CCSER1: variants seen among roughly 807,000 people sequenced by gnomAD.
The protein encoded by CCSER1 is coiled-coil serine rich protein 1, also known as serine-rich coiled-coil domain-containing protein 1.
CCSER1 carries 41 observed loss-of-function variants against 82.0 expected under a neutral mutation model. That is an observed-to-expected ratio of 0.50 (90% CI 0.39 to 0.65). CCSER1 has a LOEUF of 0.65. CCSER1 is among the 30% of genes least tolerant of loss of function. CCSER1 has a pLI of 0.00. For synonymous variants in CCSER1, 414 were observed against 383.9 expected (o/e 1.08, Z -0.92); for missense variants, 1,119 against 1,064.2 (o/e 1.05, Z -0.72).
chr4:90,651,653 G>C (rs949523577), intron 6 of CCSER1, among the ~76,000 whole-genome samples: 1 of 151,268 alleles, frequency 6.6e-6, no homozygotes. Flanking sequence ...AAAACTGCAC[G>C]TTCTCTGCAT....
At chr4:91,007,320 A>C (rs1738602904) in intron 9 of CCSER1, among the ~76,000 whole-genome samples, 1 of 152,222 alleles carries the variant, frequency 6.6e-6, no homozygotes, top group Non-Finnish European at 1.5e-5. Context: ...ATTCAGGAAG[A>C]ATTTCATCCC....
At chr4:91,430,191 G>A (rs557405891) in intron 10 of CCSER1, among the ~76,000 whole-genome samples, 1 of 152,074 alleles carries the variant, frequency 6.6e-6, no homozygotes, top group African/African-American at 2.4e-5. Flanking sequence ...TATACAATAA[G>A]CATTCAAAAG....
At chr4:91,269,686 T>G (rs1741875771) in intron 10 of CCSER1, among the ~76,000 whole-genome samples, 1 of 152,220 alleles carries the variant, frequency 6.6e-6, no homozygotes, top group African/African-American at 2.4e-5. Flanking sequence ...AGTTGAGCAT[T>G]CTTCTGTAAA....
At chr4:90,250,493 C>G (rs1445965269) in intron 1 of CCSER1, among the ~76,000 whole-genome samples, 3 of 151,890 alleles carry the variant, frequency 2.0e-5, no homozygotes, top group African/African-American at 7.2e-5. Context: ...ATTGATTTTC[C>G]CTCTCACCCT....
intron 4 of CCSER1, among the ~76,000 whole-genome samples, chr4:90,443,370 T>G (rs1760177833): frequency 6.6e-6 from 1 of 152,102 alleles, no homozygotes; most frequent in Non-Finnish European, 1.5e-5. Context: ...CACAGTCAGT[T>G]AGGTAACTAA....
chr4:90,649,016 C>G (rs1728233921), intron 6 of CCSER1, among the ~76,000 whole-genome samples: 1 of 152,208 alleles, frequency 6.6e-6, no homozygotes, highest in Admixed American at 6.5e-5. Flanking sequence ...TAAGGCTTGA[C>G]AGCTTTGCAC....
chr4:91,176,038 A>G (rs185851734), intron 10 of CCSER1, among the ~76,000 whole-genome samples: 1 of 152,240 alleles, frequency 6.6e-6, no homozygotes, highest in Non-Finnish European at 1.5e-5. Context: ...AGCTTTCTAC[A>G]TATGGCTAGC....
At chr4:90,201,733 T>C (rs1172819562) in intron 1 of CCSER1, among the ~76,000 whole-genome samples, 6 of 152,084 alleles carry the variant, frequency 3.9e-5, no homozygotes, top group Admixed American at 3.3e-4. Context: ...GAATTACAGA[T>C]GTTCAGAGAA....
At chr4:91,484,102 A>G (rs1027875842) in intron 10 of CCSER1, among the ~76,000 whole-genome samples, 3 of 151,016 alleles carry the variant, frequency 2.0e-5, no homozygotes, top group Non-Finnish European at 4.4e-5. Flanking sequence ...AGTATACATG[A>G]TTCAGTTCTC....
At chr4:91,414,798 A>G (rs958873245) in intron 10 of CCSER1, among the ~76,000 whole-genome samples, 2 of 152,164 alleles carry the variant, frequency 1.3e-5, no homozygotes, top group Admixed American at 6.6e-5. Flanking sequence ...ACAATTAAAA[A>G]TATCACATGA....
chr4:90,165,579 A>C (rs2153370077), intron 1 of CCSER1, among the ~76,000 whole-genome samples: 1 of 152,184 alleles, frequency 6.6e-6, no homozygotes, highest in Admixed American at 6.6e-5. Flanking sequence ...ATACAACAAT[A>C]AATAAGAACT....
At chr4:90,379,157 A>G (rs1412972753) in intron 3 of CCSER1, among the ~76,000 whole-genome samples, 2 of 152,156 alleles carry the variant, frequency 1.3e-5, no homozygotes, top group East Asian at 3.9e-4. Flanking sequence ...GCTCACACAA[A>G]GTTTCAGTTG....
At chr4:91,349,898 T>G in intron 10 of CCSER1, among the ~76,000 whole-genome samples, 1 of 152,068 alleles carries the variant, frequency 6.6e-6, no homozygotes, top group East Asian at 1.9e-4. Context: ...TTTCTGCTTC[T>G]AGGCTTCTGC....
At chr4:91,185,417 TA>T (rs1240086494) in intron 10 of CCSER1, among the ~76,000 whole-genome samples, 1 of 152,220 alleles carries the variant, frequency 6.6e-6, no homozygotes, top group Non-Finnish European at 1.5e-5. Context: ...AAAGTAATCC[TA>T]TTGTCCCTGC....
intron 7 of CCSER1, among the ~76,000 whole-genome samples, chr4:90,748,328 T>C (rs940485504): frequency 6.6e-6 from 1 of 151,318 alleles, no homozygotes; most frequent in Non-Finnish European, 1.5e-5. Context: ...AGAATGATGA[T>C]TTCCAGTTTC....
chr4:91,566,193 T>C (rs991022070), intron 10 of CCSER1, among the ~76,000 whole-genome samples: 1 of 152,212 alleles, frequency 6.6e-6, no homozygotes, highest in Non-Finnish European at 1.5e-5. Context: ...GAATCACATT[T>C]ATTGATTTGC....
chr4:90,425,215 T>G (rs1314807085), intron 4 of CCSER1, among the ~76,000 whole-genome samples: 1 of 152,210 alleles, frequency 6.6e-6, no homozygotes, highest in African/African-American at 2.4e-5. Flanking sequence ...ATAAACACTT[T>G]CATGATTAGT....
intron 10 of CCSER1, among the ~76,000 whole-genome samples, chr4:91,191,246 C>T (rs1734967036): frequency 6.6e-6 from 1 of 152,102 alleles, no homozygotes; most frequent in Admixed American, 6.6e-5. Flanking sequence ...TACATAGGCC[C>T]AGTGTCATTA....
chr4:90,284,468 G>A (rs1729473747), intron 1 of CCSER1, among the ~76,000 whole-genome samples: 1 of 150,554 alleles, frequency 6.6e-6, no homozygotes, highest in Non-Finnish European at 1.5e-5. Flanking sequence ...CAGGTATTAG[G>A]TTTGTCTTCA....
Sources: gnomAD v4.1 joint callset for allele counts (sites outside exome capture counted in the v4.1 genomes callset) on GRCh38, gnomAD v4.1.1 for gene constraint, MANE v1.5 for transcripts, NCBI Gene and HGNC (gene_info 2026-07-23, HGNC 2026-07-21) for gene names.